SLCO5A1: variants seen among roughly 807,000 people sequenced by gnomAD.
SLCO5A1 encodes the protein organic anion transporter polypeptide-related protein 4.
Under a neutral mutation model 65.1 loss-of-function variants are expected in SLCO5A1, and 39 were observed. The observed-to-expected ratio is 0.60, with a 90% CI of 0.46 to 0.78. SLCO5A1 has a LOEUF of 0.78. Ranked by LOEUF, SLCO5A1 falls within the 30% of genes least tolerant of loss-of-function variation. The pLI is 0.00. For synonymous variants in SLCO5A1, 438 were observed against 415.7 expected, an observed-to-expected ratio of 1.05 and a Z score of -0.65; for missense variants, 1,029 against 1,069.4, an observed-to-expected ratio of 0.96 and a Z score of 0.53.
At chr8:69,758,280 G>A (rs1010452952) in intron 3 of SLCO5A1, among the ~76,000 whole-genome samples, 2 of 151,974 alleles carry the variant, frequency 1.3e-5, no homozygotes, top group Non-Finnish European at 2.9e-5. Flanking sequence ...TTGACCTCCC[G>A]AGCTCAAGTG....
At chr8:69,795,482 C>T (rs1029682436) in intron 2 of SLCO5A1, among the ~76,000 whole-genome samples, 1 of 152,226 alleles carries the variant, frequency 6.6e-6, no homozygotes, top group African/African-American at 2.4e-5. Context: ...CCAAAAGAAT[C>T]TCCTTTGACT....
chr8:69,784,615 C>G (rs1800426230), intron 2 of SLCO5A1, among the ~76,000 whole-genome samples: 1 of 151,684 alleles, frequency 6.6e-6, no homozygotes, highest in African/African-American at 2.4e-5. Context: ...TGGTGAAACC[C>G]CATCTCTACT....
Position 69,832,651 on chromosome 8 carries a change from T to G in SLCO5A1, c.23A>C (p.Gln8Pro). 6.2e-7 allele frequency: 1 copy of G among 1,604,070 alleles called. No individual in the cohort carries two copies. The highest frequency in any genetic ancestry group is 1.3e-5 in the African/African-American group (1 of 74,948). Residue 8 changes from glutamine to proline, a missense_variant, in exon 2 of 10, where the codon CAG becomes CCG. Physicochemically the swap from Gln to Pro is moderately conservative, Grantham distance 76 (BLOSUM62 -1). This residue lies in a region of SLCO5A1 where 647 missense variants were observed against 647.5 expected (regional missense o/e 1.00). Coordinates refer to ENST00000260126, the MANE Select transcript of SLCO5A1 (RefSeq NM_030958.3). The surrounding 1 kb of genome is among the most constrained non-coding windows in gnomAD (Gnocchi z 4.5). ...CTCCAGCTGCTCTCCCGCCCCGGGCTGCAGTCCAGTGCCTTCGTCCATGGC... is the reference window on the plus strand; with the variant it reads ...CTCCAGCTGCTCTCCCGCCCCGGGCGGCAGTCCAGTGCCTTCGTCCATGGC... MDEGTGL[Q>P]PGAGEQLEAP... is the part of the protein sequence containing the mutation.
chr8:69,811,675 C>T (rs1213951300), intron 2 of SLCO5A1, among the ~76,000 whole-genome samples: 1 of 152,174 alleles, frequency 6.6e-6, no homozygotes, highest in Non-Finnish European at 1.5e-5. Flanking sequence ...GTACCCTGCC[C>T]GCTAAAATGA....
At position 69,672,566 on chromosome 8, in the gene SLCO5A1, G is replaced by A; in HGVS notation, c.*303C>T. ...TATGCACCGCCATTCCCCTTCCCAT[G>A]GTTTTGCTAACCGTGTACCTCAGCC... On this transcript the variant is annotated 3_prime_UTR_variant, in exon 10 of 10. Coordinates refer to ENST00000260126, the MANE Select transcript of SLCO5A1 (RefSeq NM_030958.3). The A allele has an allele frequency of 3.1e-6, 1 of 320,420 alleles. No homozygotes were observed. Among genetic ancestry groups the A allele is most frequent in the Non-Finnish European group, 5.7e-6 (1 of 174,022 alleles). The allele number at this position is 320,420 out of a possible 1,614,324, so 19.8% of individuals were successfully genotyped here. A position where few individuals can be genotyped will look rare whatever the true frequency, so the allele number is the denominator to read the frequency against.
intron 4 of SLCO5A1, among the ~76,000 whole-genome samples, chr8:69,752,168 C>A (rs1456219916): frequency 6.6e-6 from 1 of 152,094 alleles, no homozygotes; most frequent in Non-Finnish European, 1.5e-5. Flanking sequence ...GAGGTTGAGG[C>A]TGCAGCGAGC....
chr8:69,742,186 A>G (rs542330009), intron 4 of SLCO5A1, among the ~76,000 whole-genome samples: 5 of 152,236 alleles, frequency 3.3e-5, no homozygotes, highest in Non-Finnish European at 7.3e-5. Context: ...TGCTATTTCT[A>G]TAGCTTTCAT....
chr8:69,767,900 A>C (rs1023648758), intron 2 of SLCO5A1, among the ~76,000 whole-genome samples: 3 of 138,874 alleles, frequency 2.2e-5, no homozygotes, highest in African/African-American at 9.4e-5. Context: ...AAAAAAAAAA[A>C]AAAAAAAAAA....
intron 2 of SLCO5A1, among the ~76,000 whole-genome samples, chr8:69,793,468 T>A (rs1472604401): frequency 6.6e-6 from 1 of 151,600 alleles, no homozygotes; most frequent in Non-Finnish European, 1.5e-5. Flanking sequence ...TCAATAAAAA[T>A]AATAATAATA....
rs1034559319 is a variant in SLCO5A1, at chr8:69,771,525, T to C, written c.908-9650A>G. Among the ~76,000 whole-genome samples the C allele has an allele frequency of 2.0e-4, 31 of 152,230 alleles. 1 individual carries two copies. Among genetic ancestry groups the C allele is most frequent in the African/African-American group, 7.5e-4 (31 of 41,462 alleles). On this transcript the variant is annotated intron_variant, in intron 2 of 9. Coordinates refer to ENST00000260126, the MANE Select transcript of SLCO5A1 (RefSeq NM_030958.3). Reference sequence around the variant, plus strand: ...CTTAATTTTACTTTATTTTTAGTGTTGAATGCTTTTTCTTTCCTTTTTTAG... The same window carrying C: ...CTTAATTTTACTTTATTTTTAGTGTCGAATGCTTTTTCTTTCCTTTTTTAG...
At chr8:69,796,064 C>G (rs1399008305) in intron 2 of SLCO5A1, among the ~76,000 whole-genome samples, 1 of 152,212 alleles carries the variant, frequency 6.6e-6, no homozygotes. Flanking sequence ...GGCCCTGGGT[C>G]TGGCCCATGA....
intron 6 of SLCO5A1, among the ~76,000 whole-genome samples, chr8:69,686,768 AG>A (rs1814020561): frequency 6.6e-6 from 1 of 152,124 alleles, no homozygotes; most frequent in African/African-American, 2.4e-5. Flanking sequence ...CCTCTAGCAC[AG>A]GTCTTCTGGG....
At chr8:69,773,927 C>A (rs1441309782) in intron 2 of SLCO5A1, among the ~76,000 whole-genome samples, 1 of 152,232 alleles carries the variant, frequency 6.6e-6, no homozygotes, top group Non-Finnish European at 1.5e-5. Flanking sequence ...ACACATGGCA[C>A]CTGCCACCTG....
intron 3 of SLCO5A1, among the ~76,000 whole-genome samples, chr8:69,756,241 C>G (rs1586762894): frequency 6.6e-6 from 1 of 152,018 alleles, no homozygotes; most frequent in Admixed American, 6.6e-5. Context: ...CCTGTCTCTA[C>G]TAGAAATACA....
intron 2 of SLCO5A1, among the ~76,000 whole-genome samples, chr8:69,774,327 A>T (rs1818471138): frequency 6.6e-6 from 1 of 152,068 alleles, no homozygotes; most frequent in African/African-American, 2.4e-5. Context: ...TGATTTACAG[A>T]GTTGGTCCCT....
chr8:69,793,775 C>T (rs1819368353), intron 2 of SLCO5A1, among the ~76,000 whole-genome samples: 1 of 129,234 alleles, frequency 7.7e-6, no homozygotes, highest in Non-Finnish European at 1.7e-5. Context: ...GAGACTCTGT[C>T]TCTAAATAAA....
At chr8:69,740,502 T>G (rs1458900834) in intron 4 of SLCO5A1, among the ~76,000 whole-genome samples, 1 of 152,176 alleles carries the variant, frequency 6.6e-6, no homozygotes, top group Non-Finnish European at 1.5e-5. Flanking sequence ...GATAGATACA[T>G]GGATGATAGA....
At chr8:69,817,529 A>T (rs1820457184) in intron 2 of SLCO5A1, among the ~76,000 whole-genome samples, 1 of 152,202 alleles carries the variant, frequency 6.6e-6, no homozygotes, top group African/African-American at 2.4e-5. Flanking sequence ...ATCATATGAT[A>T]ACTCTATTTT....
chr8:69,778,335 G>A (rs993688114), intron 2 of SLCO5A1, among the ~76,000 whole-genome samples: 9 of 150,952 alleles, frequency 6.0e-5, no homozygotes, highest in African/African-American at 2.2e-4. Context: ...TTTATCTCAG[G>A]AATAAAAGGA....
Sources: allele counts gnomAD v4.1 joint callset (sites outside exome capture counted in the v4.1 genomes callset), GRCh38; gene constraint gnomAD v4.1.1; regional missense constraint gnomAD v4.1.1; non-coding constraint Gnocchi (gnomAD v3.1); transcripts MANE v1.5; gene names NCBI Gene and HGNC (gene_info 2026-07-23, HGNC 2026-07-21).